SLCO1A2: variants seen among roughly 807,000 people sequenced by gnomAD.
SLCO1A2 encodes OATP-1.
A neutral mutation model predicts 69.0 loss-of-function variants in SLCO1A2; 67 were observed. The observed-to-expected ratio is 0.97, with a 90% CI of 0.80 to 1.19. The LOEUF is 1.19. SLCO1A2 is among the 50% of genes most tolerant of loss of function. The pLI is 0.00. For synonymous variants in SLCO1A2, 260 were observed against 265.9 expected (o/e 0.98, Z 0.22); for missense variants, 787 against 793.7 (o/e 0.99, Z 0.10).
At chr12:21,280,351 A>G (rs2136165426) in intron 12 of SLCO1A2, among the ~76,000 whole-genome samples, 1 of 152,270 alleles carries the variant, frequency 6.6e-6, no homozygotes, top group Non-Finnish European at 1.5e-5. Flanking sequence ...TATGTCACTC[A>G]TAAAGACAGA....
At chr12:21,310,483 G>A (rs1362331405) in intron 4 of SLCO1A2, among the ~76,000 whole-genome samples, 1 of 152,246 alleles carries the variant, frequency 6.6e-6, no homozygotes, top group Non-Finnish European at 1.5e-5. Flanking sequence ...CAGGGTAGCG[G>A]CTGCTGAAGG....
chr12:21,355,709 G>A (rs1938314917), intron 2 of SLCO1A2, among the ~76,000 whole-genome samples: 1 of 152,058 alleles, frequency 6.6e-6, no homozygotes, highest in Non-Finnish European at 1.5e-5. Context: ...AAAAACAGAT[G>A]ATCTTATAAA....
At chr12:21,374,053 T>C (rs1360923637) in intron 2 of SLCO1A2, among the ~76,000 whole-genome samples, 2 of 152,188 alleles carry the variant, frequency 1.3e-5, no homozygotes, top group Non-Finnish European at 2.9e-5. Context: ...TTATTCTTCT[T>C]ATTACTTCTA....
At chr12:21,288,419 CA>C (rs1946307256) in intron 12 of SLCO1A2, among the ~76,000 whole-genome samples, 1 of 151,242 alleles carries the variant, frequency 6.6e-6, no homozygotes, top group Non-Finnish European at 1.5e-5. Flanking sequence ...CCAGCCTGGA[CA>C]ACAGAATGAG....
chr12:21,301,675 C>G (rs1948729959), intron 6 of SLCO1A2, among the ~76,000 whole-genome samples: 2 of 152,130 alleles, frequency 1.3e-5, no homozygotes, highest in Admixed American at 6.5e-5. Context: ...TGGCACATTC[C>G]TCAAAAAAGT....
intron 1 of SLCO1A2, among the ~76,000 whole-genome samples, chr12:21,403,166 A>G (rs1941761992): frequency 6.6e-6 from 1 of 152,176 alleles, no homozygotes; most frequent in South Asian, 2.1e-4. Flanking sequence ...AGCCACTTGT[A>G]ACTACATATT....
At chr12:21,360,815 G>T (rs899594632) in intron 2 of SLCO1A2, among the ~76,000 whole-genome samples, 3 of 152,208 alleles carry the variant, frequency 2.0e-5, no homozygotes, top group African/African-American at 7.2e-5. Context: ...AGATGGAACT[G>T]CAAGGCAGCA....
intron 1 of SLCO1A2, among the ~76,000 whole-genome samples, chr12:21,407,821 G>A (rs11046019): frequency 2.5e-3 from 279 of 110,000 alleles, no homozygotes; most frequent in African/African-American, 8.7e-3. Context: ...AAAAATAAAT[G>A]AAAAAAAAAA....
chr12:21,281,718 A>T (rs903617459), intron 12 of SLCO1A2, among the ~76,000 whole-genome samples: 2 of 152,138 alleles, frequency 1.3e-5, no homozygotes, highest in African/African-American at 4.8e-5. Flanking sequence ...TATGAAAAAG[A>T]AAACATTACA....
At chr12:21,395,810 G>A (rs1335796544), upstream of SLCO1A2, among the ~76,000 whole-genome samples, 1 of 152,100 alleles carries the variant, frequency 6.6e-6, no homozygotes, top group Non-Finnish European at 1.5e-5. Context: ...GCAGCTGAGG[G>A]TCCTCTCTGT....
upstream of SLCO1A2, among the ~76,000 whole-genome samples, chr12:21,337,528 TA>T (rs200936395): frequency 2.2e-3 from 328 of 148,050 alleles, 3 homozygotes; most frequent in African/African-American, 7.6e-3. Flanking sequence ...ATCCTTTCCC[TA>T]GGGAAAAAAA....
chr12:21,283,481 C>G (rs1945183027), intron 12 of SLCO1A2, among the ~76,000 whole-genome samples: 1 of 151,980 alleles, frequency 6.6e-6, no homozygotes, highest in East Asian at 1.9e-4. Context: ...AGAAAACATT[C>G]AGGAAACTCT....
At chr12:21,278,239 T>C (rs879285771) in intron 12 of SLCO1A2, among the ~76,000 whole-genome samples, 7 of 151,392 alleles carry the variant, frequency 4.6e-5, no homozygotes, top group South Asian at 2.1e-4. Context: ...GCATAGAGCA[T>C]AAGGTAGATT....
At chr12:21,279,760 C>G (rs78888741) in intron 12 of SLCO1A2, among the ~76,000 whole-genome samples, 4 of 152,096 alleles carry the variant, frequency 2.6e-5, no homozygotes, top group Non-Finnish European at 2.9e-5. Context: ...TCTGAAGGTA[C>G]AAAGATCACT....
At chr12:21,390,447 A>C (rs1941096054) in intron 1 of SLCO1A2, among the ~76,000 whole-genome samples, 1 of 152,150 alleles carries the variant, frequency 6.6e-6, no homozygotes, top group Admixed American at 6.5e-5. Context: ...AATGATGATA[A>C]GGTTTGTAAA....
intron 9 of SLCO1A2, 100 bp from the exon 10 acceptor site, chr12:21,295,892 G>C: frequency 1.6e-6 from 1 of 643,744 alleles, no homozygotes; most frequent in Non-Finnish European, 2.7e-6. Flanking sequence ...AACTATTTAG[G>C]TCCAACTCAT....
At chr12:21,299,770 G>GTGTA (rs781710145) in intron 8 of SLCO1A2, among the ~76,000 whole-genome samples, 1,942 of 129,690 alleles carry the variant, frequency 0.015, 66 homozygotes, top group African/African-American at 0.053. Context: ...ATATACGTGT[G>GTGTA]TATATATATA....
intron 2 of SLCO1A2, among the ~76,000 whole-genome samples, chr12:21,363,766 C>A (rs1939136956): frequency 6.6e-6 from 1 of 152,200 alleles, no homozygotes; most frequent in Non-Finnish European, 1.5e-5. Flanking sequence ...ATACTATAAA[C>A]ACCTCTGTGC....
At chr12:21,405,854 C>T (rs1004810403) in intron 1 of SLCO1A2, among the ~76,000 whole-genome samples, 2 of 152,206 alleles carry the variant, frequency 1.3e-5, no homozygotes, top group African/African-American at 4.8e-5. Flanking sequence ...GAACCCAGCA[C>T]TAGCATGAGT....
Sources: gnomAD v4.1 joint callset for allele counts (sites outside exome capture counted in the v4.1 genomes callset) on GRCh38, gnomAD v4.1.1 for gene constraint, MANE v1.5 for transcripts, NCBI Gene and HGNC (gene_info 2026-07-23, HGNC 2026-07-21) for gene names.